PTPRN2: variants seen among roughly 807,000 people sequenced by gnomAD.
PTPRN2 encodes the protein receptor-type tyrosine-protein phosphatase N2.
A neutral mutation model predicts 118.8 loss-of-function variants in PTPRN2; 74 were observed. The ratio of observed to expected loss-of-function variants is 0.62; its 90% confidence interval spans 0.52 to 0.76. The LOEUF is 0.76. PTPRN2 is among the 30% of genes least tolerant of loss of function. The pLI, the probability that PTPRN2 is intolerant of heterozygous loss-of-function variation, is 0.00. For synonymous variants in PTPRN2, 641 were observed against 608.0 expected, an observed-to-expected ratio of 1.05 and a Z score of -0.80; for missense variants, 1,481 against 1,394.4, an observed-to-expected ratio of 1.06 and a Z score of -0.99.
chr7:157,687,870 CT>C (rs1797272363), intron 12 of PTPRN2, among the ~76,000 whole-genome samples: 1 of 152,196 alleles, frequency 6.6e-6, no homozygotes, highest in Non-Finnish European at 1.5e-5. Context: ...AACGGAACTA[CT>C]TTTAATTTGG....
chr7:157,641,911 A>G (rs1021196035), intron 14 of PTPRN2, among the ~76,000 whole-genome samples: 5 of 152,014 alleles, frequency 3.3e-5, no homozygotes, highest in Non-Finnish European at 5.9e-5. Flanking sequence ...GTCCAGGCTG[A>G]GCTCATCTTC....
At chr7:158,106,325 T>C (rs1815678608) in intron 10 of PTPRN2, among the ~76,000 whole-genome samples, 1 of 152,126 alleles carries the variant, frequency 6.6e-6, no homozygotes, top group Non-Finnish European at 1.5e-5. Context: ...AGCTCCTTTC[T>C]GAGCTTCATC....
chr7:157,757,232 GGTGAAGGCTGAGTCTGCACC>G (rs1801841289), intron 12 of PTPRN2, among the ~76,000 whole-genome samples: 1 of 149,948 alleles, frequency 6.7e-6, no homozygotes, highest in Non-Finnish European at 1.5e-5. Flanking sequence ...ATTGGCCATG[GGTGAAGGCTGAGTCTGCACC>G]GTGCAGGCAG....
chr7:158,364,287 C>A (rs10265353), intron 2 of PTPRN2, among the ~76,000 whole-genome samples: 20 of 91,874 alleles, frequency 2.2e-4, no homozygotes, highest in South Asian at 7.6e-4. Context: ...ACCTGCCTCT[C>A]GCCATGCTTC....
chr7:157,737,488 T>C (rs1397913917), intron 12 of PTPRN2, among the ~76,000 whole-genome samples: 1 of 152,236 alleles, frequency 6.6e-6, no homozygotes, highest in Non-Finnish European at 1.5e-5. Flanking sequence ...AGCTAAGCGT[T>C]GTGCCCGGGC....
intron 11 of PTPRN2, among the ~76,000 whole-genome samples, chr7:158,071,422 T>A (rs1249995092): frequency 8.6e-6 from 1 of 116,436 alleles, no homozygotes; most frequent in Non-Finnish European, 1.8e-5. Flanking sequence ...CTCCTGGTGG[T>A]GGAGGTGCTC....
intron 4 of PTPRN2, among the ~76,000 whole-genome samples, chr7:158,204,720 T>C (rs1401844681): frequency 6.6e-6 from 1 of 152,166 alleles, no homozygotes; most frequent in African/African-American, 2.4e-5. Context: ...TGTATGACAT[T>C]AGTAATTACC....
At chr7:157,981,703 T>G (rs1404698451) in intron 11 of PTPRN2, among the ~76,000 whole-genome samples, 1 of 152,230 alleles carries the variant, frequency 6.6e-6, no homozygotes, top group Non-Finnish European at 1.5e-5. Flanking sequence ...TTTCATAAAA[T>G]AAGGTTTGAT....
At chr7:158,489,368 G>T (rs956248419) in intron 2 of PTPRN2, among the ~76,000 whole-genome samples, 5 of 152,102 alleles carry the variant, frequency 3.3e-5, no homozygotes, top group Admixed American at 3.3e-4. Context: ...AATCGCTTGA[G>T]CCCAGGAGGC....
intron 11 of PTPRN2, chr7:158,027,339 G>A (rs1563340877): frequency 6.6e-6 from 1 of 152,248 alleles, no homozygotes; most frequent in Non-Finnish European, 1.5e-5. Context: ...TTAAATAAAT[G>A]GAAAATTAAA....
rs1796928424 is a variant in PTPRN2 at position 157,893,489 on chromosome 7, A to G, written c.1788+5184T>C. On this transcript the variant is annotated intron_variant, in intron 12 of 22. Transcript: ENST00000389418. This position sits in a 1 kb window ranked among gnomAD's most constrained non-coding sequence, Gnocchi z 4.0. Reference sequence around the variant, plus strand: ...AATAGTCCACTTCACAGATAATCTGAGCAGCAATTCAGATTTCCATGCATT... The same window carrying G: ...AATAGTCCACTTCACAGATAATCTGGGCAGCAATTCAGATTTCCATGCATT... 1.3e-5 allele frequency among the ~76,000 whole-genome samples: 2 copies of G among 152,230 alleles called. No individual in the cohort carries two copies. The highest frequency in any genetic ancestry group is 2.9e-5 in the Non-Finnish European group (2 of 68,046).
chr7:158,215,230 C>T (rs73746428), intron 3 of PTPRN2, among the ~76,000 whole-genome samples: 3,055 of 152,164 alleles, frequency 0.02, 112 homozygotes, highest in African/African-American at 0.068. Flanking sequence ...AAATAAACAA[C>T]GCAGTGGATG....
At chr7:158,330,503 C>T (rs200471394) in intron 2 of PTPRN2, among the ~76,000 whole-genome samples, 1 of 106,296 alleles carries the variant, frequency 9.4e-6, no homozygotes, top group Non-Finnish European at 2.1e-5. Flanking sequence ...CATCTGCAGA[C>T]GTCACTCACA....
At chr7:158,429,140 T>C (rs1815977268) in intron 2 of PTPRN2, among the ~76,000 whole-genome samples, 1 of 152,188 alleles carries the variant, frequency 6.6e-6, no homozygotes, top group Non-Finnish European at 1.5e-5. Flanking sequence ...ATCCAACCGA[T>C]GTGTTTCGGA....
rs966006502 is a variant in PTPRN2 at position 157,676,464 on chromosome 7, G to C, written c.2001+6261C>G. The stretch of plus-strand genomic sequence containing the variant: ...TTCATTGCAAACTCCTCATCTCCAA[G>C]AAATCATCAACCGAGAAAAGAAAGG... On this transcript the variant is annotated intron_variant, in intron 13 of 22. Transcript: ENST00000389418. This position sits in a 1 kb window ranked among gnomAD's most constrained non-coding sequence, Gnocchi z 5.6. 2.0e-5 allele frequency among the ~76,000 whole-genome samples: 3 copies of C among 152,202 alleles called. No individual in the cohort carries two copies. In the South Asian group the frequency reaches 6.2e-4, roughly 32 times the overall value.
chr7:158,009,505 A>G (rs1329134025), intron 11 of PTPRN2, among the ~76,000 whole-genome samples: 2 of 152,226 alleles, frequency 1.3e-5, no homozygotes, highest in Admixed American at 1.3e-4. Context: ...AAATAACAGC[A>G]TATTAAAAAT....
intron 5 of PTPRN2, among the ~76,000 whole-genome samples, chr7:158,171,310 T>TAC (rs1343884902): frequency 0.35 from 23,246 of 66,844 alleles, 6,079 homozygotes; most frequent in East Asian, 0.4. Flanking sequence ...TATACACACA[T>TAC]ATATATATAT....
intron 11 of PTPRN2, among the ~76,000 whole-genome samples, chr7:157,992,988 C>G (rs977705222): frequency 1.3e-5 from 2 of 152,210 alleles, no homozygotes; most frequent in African/African-American, 4.8e-5. Context: ...GAGCCTGGAG[C>G]CCCCGTCTTA....
Position 157,741,763 on chromosome 7 carries a change from A to C in PTPRN2, c.1789-58826T>G, listed in dbSNP as rs73516892. Reference sequence around the variant, plus strand: ...CCTTGGGAAGAAGGATGTTGTGGACACTGCACCTGGCATCTCCTGGGCTTC... The same window carrying C: ...CCTTGGGAAGAAGGATGTTGTGGACCCTGCACCTGGCATCTCCTGGGCTTC... On this transcript the variant is annotated intron_variant, in intron 12 of 22. Coordinates refer to ENST00000389418, the MANE Select transcript of PTPRN2 (RefSeq NM_002847.5). 3.5e-3 allele frequency among the ~76,000 whole-genome samples: 533 copies of C among 152,274 alleles called. 1 individual carries two copies. The highest frequency in any genetic ancestry group is 0.012 in the African/African-American group (502 of 41,554).
Sources: allele counts gnomAD v4.1 joint callset (sites outside exome capture counted in the v4.1 genomes callset), GRCh38; gene constraint gnomAD v4.1.1; non-coding constraint Gnocchi (gnomAD v3.1); transcripts MANE v1.5; gene names NCBI Gene and HGNC (gene_info 2026-07-23, HGNC 2026-07-21).